The following CDH7 variants were observed in gnomAD, a reference collection of about 807,000 sequenced individuals.
CDH7 encodes the protein cadherin 7.
A neutral mutation model predicts 71.8 loss-of-function variants in CDH7; 25 were observed. The ratio of observed to expected loss-of-function variants is 0.35; its 90% confidence interval spans 0.25 to 0.49. The LOEUF (loss-of-function observed/expected upper bound fraction) is 0.49. Ranked by LOEUF, CDH7 falls within the 20% of genes least tolerant of loss-of-function variation. CDH7 has a pLI of 0.99. For synonymous variants in CDH7, 381 were observed against 363.8 expected (o/e 1.05, Z -0.54); for missense variants, 862 against 974.6 (o/e 0.88, Z 1.54).
rs954283279 is a variant in CDH7, at chr18:65,883,396, G to C, written c.*2502G>C. On this transcript the variant is annotated 3_prime_UTR_variant, in exon 12 of 12. Transcript: ENST00000397968. ...TCTTCTGAAATCTAATGCTATATAT[G>C]ATGACTGTCAATACTTGAGATATAG... 1 of 151,800 alleles carries C rather than the reference G, an allele frequency of 6.6e-6. No individual in the cohort carries two copies. Among genetic ancestry groups the C allele is most frequent in the Non-Finnish European group, 1.5e-5 (1 of 67,880 alleles). 9.4% of individuals were successfully genotyped at this position (151,800 alleles called of 1,614,324 possible).
Position 65,822,149 on chromosome 18 carries a change from G to T in CDH7, c.694G>T (p.Ala232Ser). The change falls in exon 5 of 12, where the codon GCA becomes TCA. Residue 232 changes from alanine to serine, a missense_variant. Physicochemically the swap from Ala to Ser is moderately conservative, Grantham distance 99 (BLOSUM62 1). Coordinates refer to ENST00000397968, the MANE Select transcript of CDH7 (RefSeq NM_004361.5). ...AGACCAGTATTTGCTTGTCATTCAG[G>T]CAAAGGATATGGTTGGTCAAAATGG... ...AKDQYLLVIQAKDMVGQNGGL... is the reference protein window; with the variant it reads ...AKDQYLLVIQSKDMVGQNGGL... 6.2e-7 allele frequency: 1 copy of T among 1,612,564 alleles called. No homozygotes were observed. The highest frequency in any genetic ancestry group is 8.5e-7 in the Non-Finnish European group (1 of 1,178,736).
Position 65,857,934 on chromosome 18 carries a change from G to A in CDH7, c.1354G>A (p.Val452Ile). Reference protein sequence around the residue: ...RETNAIHNITVLAMESQNPSQ... With the variant: ...RETNAIHNITILAMESQNPSQ... ...GACAAATGCTATTCACAATATCACA[G>A]TCCTTGCAATGGAGAGCCGTAAGTT... The change falls in exon 8 of 12, where the codon GTC becomes ATC. Residue 452 changes from valine (V) to isoleucine (I), a missense_variant. Val to Ile is a conservative substitution (Grantham distance 29). Coordinates refer to ENST00000397968, the MANE Select transcript of CDH7 (RefSeq NM_004361.5). 1 of 1,613,358 alleles carries A rather than the reference G, an allele frequency of 6.2e-7. No individual in the cohort carries two copies. Among genetic ancestry groups the A allele is most frequent in the Non-Finnish European group, 8.5e-7 (1 of 1,179,568 alleles).
intron 1 of CDH7, among the ~76,000 whole-genome samples, chr18:65,754,847 G>T (rs1048886844): frequency 6.6e-6 from 1 of 152,166 alleles, no homozygotes; most frequent in African/African-American, 2.4e-5. Flanking sequence ...TAGCTACCTT[G>T]TGTCATAGTG....
At position 65,757,789 on chromosome 18, in the gene CDH7, A is replaced by ATT. The variant is rs776104131; in HGVS notation, c.-196-4857_-196-4856insTT. 6.1e-3 allele frequency among the ~76,000 whole-genome samples: 875 copies of ATT among 143,510 alleles called. 7 individuals carry two copies. The highest frequency in any genetic ancestry group is 0.019 in the African/African-American group (687 of 36,686). 94.1% of individuals were successfully genotyped at this position (143,510 alleles called of 152,430 possible). A position where few individuals can be genotyped will look rare whatever the true frequency, so the allele number is the denominator to read the frequency against. ...TTCAACTGTATATCCATATATATAT[A>ATT]TATTTTTTTTTTCTGCACTTTTTAA... On this transcript the variant is annotated intron_variant, in intron 1 of 11. Coordinates refer to ENST00000397968, the MANE Select transcript of CDH7 (RefSeq NM_004361.5).
rs939869263 is a variant in CDH7, at chr18:65,884,810, A to C, written c.*3916A>C. On this transcript the variant is annotated 3_prime_UTR_variant, in exon 12 of 12. Transcript: ENST00000397968. ...TTAATCTTCAGATTTTCAATTTAAC[A>C]TGTATTCACTTACAAACTGTTCTAA... The C allele has an allele frequency of 1.3e-5, 2 of 152,238 alleles. No homozygotes were observed. Among genetic ancestry groups the C allele is most frequent in the African/African-American group, 4.8e-5 (2 of 41,472 alleles). The allele number at this position is 152,238 out of a possible 1,614,324, so 9.4% of individuals were successfully genotyped here.
chr18:65,767,390 A>G (rs372052919), intron 2 of CDH7, among the ~76,000 whole-genome samples: 63 of 152,234 alleles, frequency 4.1e-4, no homozygotes, highest in African/African-American at 1.3e-3. Flanking sequence ...CTTGAGTTAC[A>G]AATTAGATTC....
chr18:65,843,747 GA>G, intron 6 of CDH7, 64 bp from the exon 7 acceptor site: 1 of 1,392,280 alleles, frequency 7.2e-7, no homozygotes, highest in East Asian at 2.5e-5. Context: ...ATTCATAAAT[GA>G]AAAGGCTCTG....
At chr18:65,801,164 T>C (rs532992067) in intron 2 of CDH7, among the ~76,000 whole-genome samples, 2 of 152,308 alleles carry the variant, frequency 1.3e-5, no homozygotes, top group South Asian at 2.1e-4. Context: ...CTGGTTTTCA[T>C]CCACAAGTCC....
At chr18:65,857,687 GT>G in intron 7 of CDH7, 128 bp from the exon 8 acceptor site, 1 of 847,872 alleles carries the variant, frequency 1.2e-6, no homozygotes, top group Non-Finnish European at 1.8e-6. Flanking sequence ...ATGCATTTAT[GT>G]GATTAATATG....
rs1476842231 is a variant in CDH7, at chr18:65,881,779, C to G, written c.*885C>G. On this transcript the variant is annotated 3_prime_UTR_variant, in exon 12 of 12. Transcript: ENST00000397968. ...ATAGTATTAAACTCATCAGAACATGCTGATTTTTCTCCAGCCCGAGCTACA... is the reference window on the plus strand; with the variant it reads ...ATAGTATTAAACTCATCAGAACATGGTGATTTTTCTCCAGCCCGAGCTACA... 6.6e-6 allele frequency: 1 copy of G among 152,098 alleles called. No homozygotes were observed. Among genetic ancestry groups the G allele is most frequent in the Non-Finnish European group, 1.5e-5 (1 of 68,008 alleles). The allele number at this position is 152,098 out of a possible 1,614,324, so 9.4% of individuals were successfully genotyped here.
chr18:65,765,217 AT>A, intron 2 of CDH7, among the ~76,000 whole-genome samples: 1 of 152,050 alleles, frequency 6.6e-6, no homozygotes, highest in East Asian at 1.9e-4. Flanking sequence ...CTGTAACATA[AT>A]TTGAGATGGA....
rs141082658 is a variant in CDH7 at position 65,810,763 on chromosome 18, C to T, written c.505+765C>T. On this transcript the variant is annotated intron_variant, in intron 3 of 11. Transcript: ENST00000397968. ...GTTCCCTGACATGTGTCCATGCCAC[C>T]GCTAATTTTAAAAAATTTCTCCAAA... Among the ~76,000 whole-genome samples the T allele has an allele frequency of 3.5e-4, 53 of 152,178 alleles. 1 individual carries two copies. The highest frequency in any genetic ancestry group is 4.1e-4 in the South Asian group (2 of 4,828).
At chr18:65,866,009 G>T (rs567874800) in intron 11 of CDH7, 1 of 84,762 alleles carries the variant, frequency 1.2e-5, no homozygotes, top group African/African-American at 4.2e-5. Flanking sequence ...AATTAAGAAT[G>T]AAACTATAGG....
intron 2 of CDH7, among the ~76,000 whole-genome samples, chr18:65,769,300 G>C (rs1916474780): frequency 6.6e-6 from 1 of 152,182 alleles, no homozygotes; most frequent in Non-Finnish European, 1.5e-5. Flanking sequence ...ATAGTAGAAA[G>C]ATCAGTAAGC....
rs1189209857 is a variant in CDH7 at position 65,781,767 on chromosome 18, T to TTTCC, written c.210+18767_210+18770dup. ...ATTGGTTGATTTCTTTCTTTCTTTC[T>TTTCC]TTCCTTCCTTCCTTCCTTCCTTCCT... On this transcript the variant is annotated intron_variant, in intron 2 of 11. Transcript: ENST00000397968. Among the ~76,000 whole-genome samples, 99 of 75,500 alleles carry TTTCC rather than the reference T, an allele frequency of 1.3e-3. 3 individuals are homozygous for TTTCC. Among genetic ancestry groups the TTTCC allele is most frequent in the Middle Eastern group, 8.8e-3 (1 of 114 alleles). The allele number at this position is 75,500 out of a possible 152,430, so 49.5% of individuals were successfully genotyped here.
chr18:65,796,246 GAAAT>G (rs1365020284), intron 2 of CDH7, among the ~76,000 whole-genome samples: 1 of 151,866 alleles, frequency 6.6e-6, no homozygotes, highest in African/African-American at 2.4e-5. Flanking sequence ...CAAGCATCTG[GAAAT>G]AAATAACCCA....
At chr18:65,756,956 AT>A (rs1916046499) in intron 1 of CDH7, among the ~76,000 whole-genome samples, 2 of 151,800 alleles carry the variant, frequency 1.3e-5, no homozygotes, top group African/African-American at 4.8e-5. Context: ...TATACTTGTT[AT>A]GTTTTTAGCA....
intron 3 of CDH7, among the ~76,000 whole-genome samples, chr18:65,813,686 T>G (rs1232652394): frequency 6.6e-5 from 10 of 152,046 alleles, no homozygotes; most frequent in Non-Finnish European, 1.5e-5. Flanking sequence ...ATAAACTAAG[T>G]AAACATGAGT....
intron 2 of CDH7, among the ~76,000 whole-genome samples, chr18:65,773,156 C>G (rs1568177035): frequency 6.6e-6 from 1 of 152,046 alleles, no homozygotes; most frequent in African/African-American, 2.4e-5. Flanking sequence ...CTCAGAGGTT[C>G]AACAGTCATA....
Sources: allele counts gnomAD v4.1 joint callset (sites outside exome capture counted in the v4.1 genomes callset), GRCh38; gene constraint gnomAD v4.1.1; transcripts MANE v1.5; gene names NCBI Gene and HGNC (gene_info 2026-07-23, HGNC 2026-07-21).